Variants in CPLANE1 observed in about 807,000 individuals in gnomAD.
CPLANE1 encodes ciliogenesis and planar polarity effector 1.
In CPLANE1, 263 loss-of-function variants were observed where a neutral mutation model predicts 362.5. The ratio of observed to expected loss-of-function variants is 0.73; its 90% CI spans 0.66 to 0.80. The LOEUF (loss-of-function observed/expected upper bound fraction) is 0.80, where lower values mean the gene tolerates loss of function less well. Ranked by LOEUF, CPLANE1 falls within the 30% of genes least tolerant of loss-of-function variation. The probability of loss-of-function intolerance (pLI) is 0.00; values close to 1 mark genes in which losing one functional copy is unlikely to be tolerated. For synonymous variants in CPLANE1, 1,212 were observed against 1,302.6 expected (o/e 0.93, Z 1.50); for missense variants, 3,461 against 3,793.4 (o/e 0.91, Z 2.30).
chr5:37,205,199 T>G, intron 18 of CPLANE1, 116 bp downstream of exon 18: 1 of 658,440 alleles, frequency 1.5e-6, no homozygotes, highest in East Asian at 3.4e-5. Flanking sequence ...CATACTTTCA[T>G]TTTTGATAAG....
In CPLANE1 at chr5:37,148,255, T is replaced by C. The variant is rs1435661090; in HGVS notation, c.8387A>G (p.Asp2796Gly). Residue 2796 changes from aspartate (D) to glycine (G), a missense_variant, in exon 43 of 53, where the codon GAT (aspartate) becomes GGT (glycine). This residue lies in a region of CPLANE1 where 3,380 missense variants were observed against 3,666.1 expected (regional missense o/e 0.92). Transcript: ENST00000651892. ...DLHCDKIGPVDHIEFSSGPEF... is the reference protein window; with the variant it reads ...DLHCDKIGPVGHIEFSSGPEF... Reference sequence around the variant, plus strand: ...AGGGCCAGAAGAGAATTCAATGTGATCCACTGGTCCAATCTGTAGAAAAAA... The same window carrying C: ...AGGGCCAGAAGAGAATTCAATGTGACCCACTGGTCCAATCTGTAGAAAAAA... The C allele has an allele frequency of 6.2e-7, 1 of 1,609,244 alleles. No homozygotes were observed. Among genetic ancestry groups the C allele is most frequent in the Non-Finnish European group, 8.5e-7 (1 of 1,176,906 alleles).
At chr5:37,172,742 T>G (rs1780139213) in intron 32 of CPLANE1, among the ~76,000 whole-genome samples, 3 of 152,192 alleles carry the variant, frequency 2.0e-5, no homozygotes, top group African/African-American at 7.2e-5. Flanking sequence ...TCCTAGCACT[T>G]TGGGAGGCCA....
At chr5:37,168,705 A>C in intron 34 of CPLANE1, 86 bp downstream of exon 34, 1 of 1,097,358 alleles carries the variant, frequency 9.1e-7, no homozygotes, top group South Asian at 1.7e-5. Flanking sequence ...TATGTACAAG[A>C]GCTTTTCAGT....
At chr5:37,165,496 G>T in intron 36 of CPLANE1, 43 bp downstream of exon 36, 1 of 1,593,984 alleles carries the variant, frequency 6.3e-7, no homozygotes, top group Non-Finnish European at 8.6e-7. Flanking sequence ...CAAACTCAGT[G>T]TACATGCAAA....
intron 8 of CPLANE1, among the ~76,000 whole-genome samples, chr5:37,235,567 C>CTTTTTTT (rs546612161): frequency 4.8e-4 from 45 of 93,364 alleles, no homozygotes; most frequent in Non-Finnish European, 7.1e-4. Context: ...TATCTAATTT[C>CTTTTTTT]TTTTTTTTTT....
chr5:37,078,415 A>G, the CPLANE1 span, among the ~76,000 whole-genome samples: 37 of 152,302 alleles, frequency 2.4e-4, no homozygotes, highest in African/African-American at 8.9e-4. Context: ...CATGGTGTGT[A>G]TATATATGTG....
chr5:37,117,891 G>A (rs1761488956), intron 50 of CPLANE1, among the ~76,000 whole-genome samples: 1 of 152,018 alleles, frequency 6.6e-6, no homozygotes, highest in Non-Finnish European at 1.5e-5. Context: ...TATAACAGGA[G>A]GACATATTTC....
At chr5:37,227,871 A>G in intron 9 of CPLANE1, 54 bp from the exon 10 acceptor site, 1 of 1,460,720 alleles carries the variant, frequency 6.8e-7, no homozygotes, top group South Asian at 1.4e-5. Flanking sequence ...TCTTACGGAA[A>G]ACAATAATGT....
At chr5:37,200,648 G>A (rs1371539002) in intron 19 of CPLANE1, among the ~76,000 whole-genome samples, 1 of 152,006 alleles carries the variant, frequency 6.6e-6, no homozygotes, top group Admixed American at 6.5e-5. Flanking sequence ...AAGTCTAAAT[G>A]TAAGTAATTT....
At chr5:37,175,831 G>T in intron 31 of CPLANE1, 78 bp downstream of exon 31, 2 of 935,276 alleles carry the variant, frequency 2.1e-6, no homozygotes, top group Non-Finnish European at 3.3e-6. Context: ...TTCAAAAATG[G>T]TACAGTCGGC....
intron 21 of CPLANE1, among the ~76,000 whole-genome samples, chr5:37,192,628 G>C (rs1036981107): frequency 6.6e-6 from 1 of 152,050 alleles, no homozygotes; most frequent in African/African-American, 2.4e-5. Context: ...ACTTTGGGAG[G>C]CCAAGGCGGG....
intron 14 of CPLANE1, 96 bp from the exon 15 acceptor site, chr5:37,221,584 T>C: frequency 2.5e-6 from 2 of 800,946 alleles, no homozygotes; most frequent in Non-Finnish European, 3.6e-6. Flanking sequence ...TTGTGAAAAT[T>C]CATCAAGTTG....
chr5:37,185,191 G>A, intron 24 of CPLANE1, 112 bp from the exon 25 acceptor site: 1 of 857,020 alleles, frequency 1.2e-6, no homozygotes, highest in African/African-American at 1.7e-5. Flanking sequence ...TGATGACTAA[G>A]GCTTATTTCC....
rs1343318583 is a variant in CPLANE1, at chr5:37,209,103, T to C, written c.2921-2678A>G. On this transcript the variant is annotated intron_variant, in intron 16 of 52. Coordinates refer to ENST00000651892, the MANE Select transcript of CPLANE1 (RefSeq NM_001384732.1). This position sits in a 1 kb window ranked among gnomAD's most constrained non-coding sequence, Gnocchi z 4.6. ...TCCGGGTCCCCGCCCTCCAGCCGCC[T>C]TTGATTCGTGACTGGGTCACGGTCC... Among the ~76,000 whole-genome samples the C allele has an allele frequency of 6.6e-6, 1 of 152,236 alleles. No individual in the cohort carries two copies. The highest frequency in any genetic ancestry group is 2.4e-5 in the African/African-American group (1 of 41,462).
the CPLANE1 span, among the ~76,000 whole-genome samples, chr5:37,092,788 A>G: frequency 6.6e-6 from 1 of 152,194 alleles, no homozygotes; most frequent in Non-Finnish European, 1.5e-5. Context: ...CAACTATACT[A>G]TAACCTTTAT....
rs957588958 is a variant in CPLANE1 at position 37,239,838 on chromosome 5, G to A, written c.709C>T (p.Gln237Ter). The A allele has an allele frequency of 1.3e-6, 2 of 1,530,222 alleles. No individual in the cohort carries two copies. The highest frequency in any genetic ancestry group is 2.8e-5 in the African/African-American group (2 of 72,666). The allele number at this position is 1,530,222 out of a possible 1,614,324, so 94.8% of individuals were successfully genotyped here. The part of the protein sequence containing the change: ...SLPYHVHWAQ[Q>*]DCHLCSLIPK... ...ATTAAACTACAGAGATGACAGTCTT[G>A]TTGAGCCCAATGAACATGGTATGGC... is the stretch of plus-strand genomic sequence containing the variant. Residue 237 changes from glutamine (Q) to a stop codon, truncating the protein, a stop_gained, in exon 7 of 53, where the codon CAA (glutamine) becomes TAA (stop). Coordinates refer to ENST00000651892, the MANE Select transcript of CPLANE1 (RefSeq NM_001384732.1). LOFTEE classifies it high-confidence loss of function.
At chr5:37,166,914 G>A in intron 35 of CPLANE1, 133 bp downstream of exon 35, 1 of 666,596 alleles carries the variant, frequency 1.5e-6, no homozygotes, top group South Asian at 2.1e-5. Flanking sequence ...TCAGATGCAT[G>A]ACACTTGAAA....
chr5:37,142,470 C>A lies in CPLANE1; in HGVS notation c.8472G>T (p.Leu2824Phe). The A allele has an allele frequency of 1.3e-6, 2 of 1,580,694 alleles. No homozygotes were observed. The highest frequency in any genetic ancestry group is 2.3e-5 in the South Asian group (2 of 85,344). Residue 2824 changes from leucine to phenylalanine, a missense_variant, in exon 44 of 53, where the codon TTG (leucine) becomes TTT (phenylalanine). By Grantham distance (22) the Leu-to-Phe change is conservative (BLOSUM62 0). This residue lies in a region of CPLANE1 where 3,380 missense variants were observed against 3,666.1 expected (regional missense o/e 0.92). Coordinates refer to ENST00000651892, the MANE Select transcript of CPLANE1 (RefSeq NM_001384732.1). ...TTTGATCTTCTTCATCCATATGGGT[C>A]AAAAAACGCACTAATCCAGAGTATA... ...TISISEEVRF[L>F]THMDEEDQSD... is the part of the protein sequence containing the mutation.
chr5:37,168,878 A>T lies in CPLANE1; in HGVS notation c.7146T>A (p.Val2382=). 1 of 1,614,052 alleles carries T rather than the reference A, an allele frequency of 6.2e-7. No homozygotes were observed. Among genetic ancestry groups the T allele is most frequent in the Non-Finnish European group, 8.5e-7 (1 of 1,179,946 alleles). ...FPSTSRASIT[V]PSTPIQPIAE... ...CTATAGGTTGGATAGGTGTTGAGGGAACTGTAATAGATGCTCTTGAGGTTG... is the reference window on the plus strand; with the variant it reads ...CTATAGGTTGGATAGGTGTTGAGGGTACTGTAATAGATGCTCTTGAGGTTG... The change falls in exon 34 of 53, where the codon GTT becomes GTA. Residue 2382 remains valine, a synonymous_variant. Coordinates refer to ENST00000651892, the MANE Select transcript of CPLANE1 (RefSeq NM_001384732.1).
Sources: allele counts gnomAD v4.1 joint callset (sites outside exome capture counted in the v4.1 genomes callset), GRCh38; gene constraint gnomAD v4.1.1; regional missense constraint gnomAD v4.1.1; non-coding constraint Gnocchi (gnomAD v3.1); transcripts MANE v1.5; gene names NCBI Gene and HGNC (gene_info 2026-07-23, HGNC 2026-07-21).